Variants in PTCH1 observed in about 807,000 individuals in gnomAD.
PTCH1 encodes patched 1.
In PTCH1, 14 loss-of-function variants were observed where a neutral mutation model predicts 144.6. The ratio of observed to expected loss-of-function variants is 0.10; its 90% confidence interval spans 0.06 to 0.15. PTCH1 has a LOEUF of 0.15. Among genes scored for constraint, PTCH1 ranks in the 10% least tolerant of loss-of-function variants. The pLI, the probability that PTCH1 is intolerant of heterozygous loss-of-function variation, is 1.00. For missense variants in PTCH1, 1,623 were observed against 1,948.3 expected, an observed-to-expected ratio of 0.83 and a Z score of 3.14; for synonymous variants, 833 against 793.6, an observed-to-expected ratio of 1.05 and a Z score of -0.83.
intron 2 of PTCH1, among the ~76,000 whole-genome samples, chr9:95,491,531 C>T (rs988956291): frequency 3.9e-5 from 6 of 152,168 alleles, no homozygotes; most frequent in Admixed American, 2.0e-4. Flanking sequence ...TTTCACTGTC[C>T]TGATGTTACA....
chr9:95,483,653 C>G (rs887952486), intron 3 of PTCH1: 1 of 152,376 alleles, frequency 6.6e-6, no homozygotes, highest in African/African-American at 2.4e-5. Context: ...CCTGGCGCAG[C>G]TGTCATGGGG....
chr9:95,455,001 T>G (rs1034158433), intron 19 of PTCH1, among the ~76,000 whole-genome samples: 1 of 152,356 alleles, frequency 6.6e-6, no homozygotes, highest in South Asian at 2.1e-4. Flanking sequence ...TTAACTCACA[T>G]GCAAATTTAT....
At position 95,476,051 on chromosome 9, in the gene PTCH1, G is replaced by A. The variant is rs1420410274; in HGVS notation, c.1711C>T (p.Arg571Trp). The A allele has an allele frequency of 1.2e-6, 2 of 1,613,966 alleles. No individual in the cohort carries two copies. Among genetic ancestry groups the A allele is most frequent in the Non-Finnish European group, 8.5e-7 (1 of 1,180,018 alleles). ...AAGCTCACCTGGAGGGAGAACGCCC[G>A]CAGAGCGGGAATTGGGATTAACGCG... ...MAALIPIPAL[R>W]AFSLQAAVVV... The change falls in exon 12 of 24, where the codon CGG (arginine) becomes TGG (tryptophan). Residue 571 changes from arginine (R) to tryptophan (W), a missense_variant. Around this residue, in one of 7 missense-constraint regions of PTCH1, gnomAD observed 135 missense variants for 228.7 expected, o/e 0.59. Coordinates refer to ENST00000331920, the MANE Select transcript of PTCH1 (RefSeq NM_000264.5). This position sits in a 1 kb window ranked among gnomAD's most constrained non-coding sequence, Gnocchi z 4.6.
chr9:95,456,471 C>A (rs1838940484), intron 18 of PTCH1, 58 bp from the exon 19 acceptor site: 1 of 1,597,272 alleles, frequency 6.3e-7, no homozygotes, highest in Non-Finnish European at 8.5e-7. Flanking sequence ...GGGCTGCCCA[C>A]AAGGGAGGTC....
chr9:95,443,584 TCTGA>T lies in PTCH1; in HGVS notation c.*2805_*2808del, dbSNP rs1404698865. 1 of 152,544 alleles carries T rather than the reference TCTGA, an allele frequency of 6.6e-6. No individual in the cohort carries two copies. The highest frequency in any genetic ancestry group is 2.4e-5 in the African/African-American group (1 of 41,464). The allele number at this position is 152,544 out of a possible 1,614,324, so 9.4% of individuals were successfully genotyped here. Reference sequence around the variant, plus strand: ...ATAATCGCATGAATATCCACTCTGCTCTGACTCTCTTAACACTGTTAAACATTTT... The same window carrying T: ...ATAATCGCATGAATATCCACTCTGCTCTCTCTTAACACTGTTAAACATTTT... On this transcript the variant is annotated 3_prime_UTR_variant, in exon 24 of 24. Coordinates refer to ENST00000331920, the MANE Select transcript of PTCH1 (RefSeq NM_000264.5).
At chr9:95,488,284 T>C (rs948123273) in intron 2 of PTCH1, among the ~76,000 whole-genome samples, 2 of 152,200 alleles carry the variant, frequency 1.3e-5, no homozygotes, top group Non-Finnish European at 2.9e-5. Context: ...GGAAAACCTG[T>C]CGCTCCCCCA....
chr9:95,489,356 T>C (rs904860710), intron 2 of PTCH1, among the ~76,000 whole-genome samples: 3 of 152,196 alleles, frequency 2.0e-5, no homozygotes, highest in Non-Finnish European at 2.9e-5. Context: ...CCCTTCTTTT[T>C]CTTTTATTTA....
chr9:95,505,224 A>C (rs1843474279), intron 2 of PTCH1, among the ~76,000 whole-genome samples: 1 of 152,208 alleles, frequency 6.6e-6, no homozygotes, highest in Non-Finnish European at 1.5e-5. Flanking sequence ...AGCATCCTGA[A>C]AGGGATCACT....
chr9:95,489,042 A>T (rs1049055266), intron 2 of PTCH1, among the ~76,000 whole-genome samples: 1 of 152,230 alleles, frequency 6.6e-6, no homozygotes, highest in East Asian at 1.9e-4. Context: ...CCTCTCGGGT[A>T]TAACTGTGTC....
In PTCH1 at chr9:95,508,996, TGCTGCTCGG is replaced by T. The variant is rs1027650611; in HGVS notation, c.-644_-636del. On this transcript the variant is annotated 5_prime_UTR_variant, in exon 1 of 24. Coordinates refer to ENST00000331920, the MANE Select transcript of PTCH1 (RefSeq NM_000264.5). The stretch of plus-strand genomic sequence containing the variant: ...TGCTGGCGGTGGCGGCTCCAGGAGC[TGCTGCTCGG>T]GCTGCTCGGGCTCTGGCTGCTGGGT... Among the ~76,000 whole-genome samples, 3 of 150,636 alleles carry T rather than the reference TGCTGCTCGG, an allele frequency of 2.0e-5. No individual in the cohort carries two copies. Among genetic ancestry groups the T allele is most frequent in the East Asian group, 2.0e-4 (1 of 5,032 alleles).
chr9:95,510,545 C>G (rs116903092), upstream of PTCH1, among the ~76,000 whole-genome samples: 77 of 151,944 alleles, frequency 5.1e-4, no homozygotes, highest in Non-Finnish European at 4.7e-4. Context: ...ATGTGTTTTT[C>G]TTACGTTTCC....
Position 95,459,627 on chromosome 9 carries a change from C to T in PTCH1, c.2860G>A (p.Asp954Asn), listed in dbSNP as rs772662871. Residue 954 changes from aspartate (D) to asparagine (N), a missense_variant, in exon 17 of 24, where the codon GAC (aspartate) becomes AAC (asparagine). Around this residue, in one of 7 missense-constraint regions of PTCH1, gnomAD observed 504 missense variants for 679.3 expected, o/e 0.74. Transcript: ENST00000331920. ...CTCAGCCTTGTTTCAGGCATGTAGT[C>T]GGCTTTGTCGTGGACCCATTCTGGT... ...HRPEWVHDKA[D>N]YMPETRLRIP... 6.2e-6 allele frequency: 10 copies of T among 1,613,902 alleles called. No individual in the cohort carries two copies. The highest frequency in any genetic ancestry group is 3.3e-5 in the Admixed American group (2 of 60,008).
chr9:95,493,490 T>C (rs969773990), intron 2 of PTCH1, among the ~76,000 whole-genome samples: 17 of 152,284 alleles, frequency 1.1e-4, no homozygotes, highest in Admixed American at 8.5e-4. Context: ...CAGTCATCTG[T>C]ATAAGTTATT....
intron 3 of PTCH1, among the ~76,000 whole-genome samples, chr9:95,485,213 TA>T (rs1276130792): frequency 6.6e-6 from 1 of 151,820 alleles, no homozygotes; most frequent in African/African-American, 2.4e-5. Flanking sequence ...CTCAAAAAAA[TA>T]AATAAAAAGG....
upstream of PTCH1, among the ~76,000 whole-genome samples, chr9:95,510,261 AT>A (rs202244606): frequency 1.6e-4 from 24 of 151,460 alleles, no homozygotes; most frequent in African/African-American, 5.1e-4. Context: ...TATAGTCAGT[AT>A]TTTTTTTTAC....
At chr9:95,469,995 G>C in intron 12 of PTCH1, 64 bp from the exon 13 acceptor site, 1 of 1,134,760 alleles carries the variant, frequency 8.8e-7, no homozygotes, top group Non-Finnish European at 1.3e-6. Context: ...GGACTGCTTC[G>C]AAAATAAAGA....
chr9:95,472,793 G>A (rs1001206910), intron 12 of PTCH1, among the ~76,000 whole-genome samples: 6 of 152,172 alleles, frequency 3.9e-5, no homozygotes, highest in Admixed American at 2.0e-4. Flanking sequence ...CATGTATGGC[G>A]GAGTATTTTC....
chr9:95,462,699 C>T (rs1451454733), intron 15 of PTCH1, among the ~76,000 whole-genome samples: 2 of 152,058 alleles, frequency 1.3e-5, no homozygotes, highest in African/African-American at 4.8e-5. Context: ...AATTTGGATC[C>T]GATTGAGAAC....
intron 2 of PTCH1, among the ~76,000 whole-genome samples, chr9:95,488,427 T>G (rs559844032): frequency 6.6e-6 from 1 of 152,342 alleles, no homozygotes; most frequent in East Asian, 1.9e-4. Context: ...CTATGCCATA[T>G]ATACTATTAA....
Sources: gnomAD v4.1 joint callset for allele counts (sites outside exome capture counted in the v4.1 genomes callset) on GRCh38, gnomAD v4.1.1 for gene constraint, gnomAD v4.1.1 regional missense constraint, Gnocchi (gnomAD v3.1) non-coding constraint, MANE v1.5 for transcripts, NCBI Gene and HGNC (gene_info 2026-07-23, HGNC 2026-07-21) for gene names.